MON2: variants seen among roughly 807,000 people sequenced by gnomAD.
MON2 encodes the protein MON2 regulator of endosome-to-Golgi trafficking.
In MON2, 84 loss-of-function variants were observed where a neutral mutation model predicts 208.6. That is an observed-to-expected ratio of 0.40 (90% CI 0.34 to 0.48). The LOEUF is 0.48. MON2 is among the 20% of genes least tolerant of loss of function. The probability of loss-of-function intolerance (pLI) is 0.59; values close to 1 mark genes in which losing one functional copy is unlikely to be tolerated. For missense variants in MON2, 1,611 were observed against 2,015.4 expected (o/e 0.80, Z 3.84); for synonymous variants, 660 against 694.0 (o/e 0.95, Z 0.77).
chr12:62,534,696 A>T, intron 12 of MON2, 149 bp from the exon 13 acceptor site: 1 of 503,026 alleles, frequency 2.0e-6, no homozygotes, highest in Non-Finnish European at 3.4e-6. Context: ...GTTCTTTTAG[A>T]TTTTTAAATA....
rs2074959361 is a variant in MON2 at position 62,580,363 on chromosome 12, C to G, written c.4642C>G (p.Gln1548Glu). The G allele has an allele frequency of 6.2e-7, 1 of 1,607,462 alleles. No homozygotes were observed. The highest frequency in any genetic ancestry group is 8.5e-7 in the Non-Finnish European group (1 of 1,174,662). Residue 1548 changes from glutamine (Q) to glutamate (E), a missense_variant, in exon 32 of 35, where the codon CAA (glutamine) becomes GAA (glutamate). Transcript: ENST00000393630. ...TTTTATTCCTAAGGAATTTGTTGGT[C>G]AAATAATGACAATGCTTAACAAGGG... is the stretch of plus-strand genomic sequence containing the variant. ...ANFIPKEFVG[Q>E]IMTMLNKGSI... is the part of the protein sequence containing the mutation.
At chr12:62,526,485 A>T (rs562292303) in intron 11 of MON2, among the ~76,000 whole-genome samples, 5 of 152,010 alleles carry the variant, frequency 3.3e-5, no homozygotes, top group African/African-American at 1.2e-4. Flanking sequence ...TCTCTCATCT[A>T]TACAATGGGA....
intron 31 of MON2, among the ~76,000 whole-genome samples, chr12:62,580,085 TACTG>T (rs2074948576): frequency 6.6e-6 from 1 of 152,206 alleles, no homozygotes; most frequent in Admixed American, 6.5e-5. Context: ...ACAGTTATGG[TACTG>T]ACTATTTTGT....
At chr12:62,523,695 C>T (rs1442450222) in intron 8 of MON2, among the ~76,000 whole-genome samples, 1 of 152,024 alleles carries the variant, frequency 6.6e-6, no homozygotes, top group Non-Finnish European at 1.5e-5. Flanking sequence ...TTTGAGATAC[C>T]CCAGCTAAAA....
chr12:62,476,226 A>G (rs1357456853), intron 1 of MON2, among the ~76,000 whole-genome samples: 1 of 152,082 alleles, frequency 6.6e-6, no homozygotes, highest in Non-Finnish European at 1.5e-5. Flanking sequence ...ACAGAAGAAA[A>G]TCTTATTGAT....
chr12:62,540,798 G>A (rs1056340999), intron 19 of MON2, among the ~76,000 whole-genome samples: 14 of 152,148 alleles, frequency 9.2e-5, no homozygotes, highest in East Asian at 3.8e-4. Context: ...TTTTAGAAAA[G>A]TATTCAACAT....
chr12:62,467,112 A>G lies in MON2; in HGVS notation c.-96A>G. 2.0e-6 allele frequency: 2 copies of G among 977,402 alleles called. No homozygotes were observed. The highest frequency in any genetic ancestry group is 2.9e-5 in the South Asian group (2 of 69,784). 60.5% of individuals were successfully genotyped at this position (977,402 alleles called of 1,614,324 possible). Reference sequence around the variant, plus strand: ...CCAAGAAGCGGGCTGCTGAAGGACCAGAGACACCGGGAGGGAGCTGCCTGT... The same window carrying G: ...CCAAGAAGCGGGCTGCTGAAGGACCGGAGACACCGGGAGGGAGCTGCCTGT... On this transcript the variant is annotated 5_prime_UTR_variant, in exon 1 of 35. Coordinates refer to ENST00000393630, the MANE Select transcript of MON2 (RefSeq NM_015026.3).
At chr12:62,467,379 G>C (rs2068568602) in intron 1 of MON2, 61 bp downstream of exon 1, 1 of 1,345,648 alleles carries the variant, frequency 7.4e-7, no homozygotes, top group Non-Finnish European at 1.1e-6. Context: ...GTTAGACTCA[G>C]TGCTTCACCC....
Position 62,592,957 on chromosome 12 carries a change from T to C in MON2, c.*208T>C. 1 of 437,078 alleles carries C rather than the reference T, an allele frequency of 2.3e-6. No individual in the cohort carries two copies. The highest frequency in any genetic ancestry group is 4.1e-6 in the Non-Finnish European group (1 of 242,252). The allele number at this position is 437,078 out of a possible 1,614,324, so 27.1% of individuals were successfully genotyped here. A position where few individuals can be genotyped will look rare whatever the true frequency, so the allele number is the denominator to read the frequency against. ...CCTGAATGAACAGCAGTGTAAGGCTTTAATAAATTAAACTGATGGGAGGGA... is the reference window on the plus strand; with the variant it reads ...CCTGAATGAACAGCAGTGTAAGGCTCTAATAAATTAAACTGATGGGAGGGA... On this transcript the variant is annotated 3_prime_UTR_variant, in exon 35 of 35. Transcript: ENST00000393630.
Position 62,560,561 on chromosome 12 carries a change from A to G in MON2, c.3480A>G (p.Glu1160=). The part of the protein sequence containing the change: ...IQSAALSKNN[E]VSLAALKSFQ... The stretch of plus-strand genomic sequence containing the variant: ...CAGCAGCACTCAGCAAAAACAATGA[A>G]GTATCTCTGGCTGCTCTGAAAAGCT... Residue 1160 remains glutamate (E), a synonymous_variant, in exon 26 of 35, where the codon GAA becomes GAG. Transcript: ENST00000393630. 6.2e-7 allele frequency: 1 copy of G among 1,614,034 alleles called. No individual in the cohort carries two copies. Among genetic ancestry groups the G allele is most frequent in the Non-Finnish European group, 8.5e-7 (1 of 1,179,994 alleles).
At chr12:62,521,927 T>TCA (rs1379397007) in intron 8 of MON2, among the ~76,000 whole-genome samples, 2 of 152,242 alleles carry the variant, frequency 1.3e-5, no homozygotes, top group Non-Finnish European at 2.9e-5. Flanking sequence ...GTGTGGTGGC[T>TCA]CACGCCTATA....
At position 62,595,755 on chromosome 12, in the gene MON2, C is replaced by G. The variant is rs542750286; in HGVS notation, c.*3006C>G. On this transcript the variant is annotated 3_prime_UTR_variant, in exon 35 of 35. Transcript: ENST00000393630. ...ATACATTTGTAACATTTATTAGGAG[C>G]CTTTTAGGTTCCAAAACAAACAAAA... The G allele has an allele frequency of 6.6e-6, 1 of 152,170 alleles. No homozygotes were observed. Among genetic ancestry groups the G allele is most frequent in the African/African-American group, 2.4e-5 (1 of 41,530 alleles). The allele number at this position is 152,170 out of a possible 1,614,324, so 9.4% of individuals were successfully genotyped here.
intron 20 of MON2, among the ~76,000 whole-genome samples, chr12:62,543,479 A>G (rs7958597): frequency 0.47 from 71,371 of 152,050 alleles, 16,872 homozygotes; most frequent in South Asian, 0.51. Flanking sequence ...CTTTTATCAT[A>G]CAGTCTCTTG....
chr12:62,545,203 C>T (rs1195310299), intron 21 of MON2, among the ~76,000 whole-genome samples, 195 bp downstream of exon 21: 22 of 151,960 alleles, frequency 1.4e-4, no homozygotes, highest in Admixed American at 1.4e-3. Flanking sequence ...AAATTTTAAA[C>T]ATCTTGTGGA....
At chr12:62,551,022 T>C (rs2884598) in intron 23 of MON2, among the ~76,000 whole-genome samples, 114,172 of 150,576 alleles carry the variant, frequency 0.76, 43,980 homozygotes, top group African/African-American at 0.84. Context: ...TGGGTTCAAG[T>C]GATTCTCCTG....
At chr12:62,502,175 G>A (rs1565622158) in intron 7 of MON2, among the ~76,000 whole-genome samples, 2 of 152,118 alleles carry the variant, frequency 1.3e-5, no homozygotes, top group East Asian at 3.9e-4. Context: ...AGCCAAGATC[G>A]CCTCACTTCA....
At chr12:62,572,802 A>G (rs2074642295) in intron 30 of MON2, among the ~76,000 whole-genome samples, 1 of 152,196 alleles carries the variant, frequency 6.6e-6, no homozygotes, top group Non-Finnish European at 1.5e-5. Context: ...GTAGAATGAT[A>G]CCGTGTACTG....
At position 62,597,010 on chromosome 12, in the gene MON2, T is replaced by C. The variant is rs1042045476; in HGVS notation, c.*4261T>C. 1 of 152,204 alleles carries C rather than the reference T, an allele frequency of 6.6e-6. No individual in the cohort carries two copies. Among genetic ancestry groups the C allele is most frequent in the African/African-American group, 2.4e-5 (1 of 41,446 alleles). 9.4% of individuals were successfully genotyped at this position (152,204 alleles called of 1,614,324 possible). On this transcript the variant is annotated 3_prime_UTR_variant, in exon 35 of 35. Coordinates refer to ENST00000393630, the MANE Select transcript of MON2 (RefSeq NM_015026.3). ...GCTACTTCTTATTTAACTCTAGGCATGTTGACTTTTCAAAGCGGTTTCCTT... is the reference window on the plus strand; with the variant it reads ...GCTACTTCTTATTTAACTCTAGGCACGTTGACTTTTCAAAGCGGTTTCCTT...
At chr12:62,475,976 A>G (rs1200214077) in intron 1 of MON2, among the ~76,000 whole-genome samples, 3 of 151,888 alleles carry the variant, frequency 2.0e-5, no homozygotes, top group Non-Finnish European at 4.4e-5. Context: ...TCGCCATTGC[A>G]CTCCAGCCTG....
Sources: allele counts gnomAD v4.1 joint callset (sites outside exome capture counted in the v4.1 genomes callset), GRCh38; gene constraint gnomAD v4.1.1; transcripts MANE v1.5; gene names NCBI Gene and HGNC (gene_info 2026-07-23, HGNC 2026-07-21).